The following NCOA7 variants were observed in gnomAD, a reference collection of about 807,000 sequenced individuals.
The protein encoded by NCOA7 is 140 kDa estrogen receptor-associated protein.
A neutral mutation model predicts 104.3 loss-of-function variants in NCOA7; 45 were observed. The ratio of observed to expected loss-of-function variants is 0.43; its 90% CI spans 0.34 to 0.55. The LOEUF (loss-of-function observed/expected upper bound fraction) is 0.55. Ranked by LOEUF, NCOA7 falls within the 20% of genes least tolerant of loss-of-function variation. The pLI is 0.02. For missense variants in NCOA7, 1,041 were observed against 1,119.7 expected (o/e 0.93, Z 1.00); for synonymous variants, 398 against 402.3 (o/e 0.99, Z 0.13).
At chr6:125,845,824 T>TA (rs1780557974) in intron 2 of NCOA7, among the ~76,000 whole-genome samples, 2 of 152,316 alleles carry the variant, frequency 1.3e-5, no homozygotes, top group African/African-American at 4.8e-5. Flanking sequence ...CGTTTTCTCA[T>TA]ACATCCACCG....
intron 2 of NCOA7, among the ~76,000 whole-genome samples, chr6:125,832,292 A>G (rs1476464191): frequency 1.3e-5 from 2 of 152,172 alleles, no homozygotes; most frequent in Admixed American, 1.3e-4. Flanking sequence ...TGATGGCTAT[A>G]ATAATTTTTA....
chr6:125,835,219 A>G (rs1779512939), intron 2 of NCOA7, among the ~76,000 whole-genome samples: 1 of 152,232 alleles, frequency 6.6e-6, no homozygotes, highest in Non-Finnish European at 1.5e-5. Flanking sequence ...TTTTCATGTG[A>G]TAAAGACTGC....
chr6:125,840,868 G>GTTTTTTTTTTTTGTTTGTTTTTTTT (rs1780077634), intron 2 of NCOA7, among the ~76,000 whole-genome samples: 1 of 40,338 alleles, frequency 2.5e-5, no homozygotes, highest in African/African-American at 1.0e-4. Flanking sequence ...TGTTTGGTTG[G>GTTTTTTTTTTTTGTTTGTTTTTTTT]TTTTTTTTTT....
At chr6:125,856,913 A>C (rs546769587) in intron 3 of NCOA7, among the ~76,000 whole-genome samples, 1 of 152,346 alleles carries the variant, frequency 6.6e-6, no homozygotes, top group East Asian at 1.9e-4. Flanking sequence ...GTGTTTGAAC[A>C]GTATTCCAAG....
chr6:125,922,758 G>A lies in NCOA7; in HGVS notation c.2447G>A (p.Ser816Asn), dbSNP rs1787691652. ...LAYSTLEHGT[S>N]LKTLYRKSAS... Reference sequence around the variant, plus strand: ...TATAGCACGTTAGAGCACGGGACCAGCTTAAAGACGCTCTACCGGAAATCG... The same window carrying A: ...TATAGCACGTTAGAGCACGGGACCAACTTAAAGACGCTCTACCGGAAATCG... Residue 816 changes from serine to asparagine, a missense_variant, in exon 13 of 16, where the codon AGC (serine) becomes AAC (asparagine). Ser to Asn is a conservative substitution (Grantham distance 46). Transcript: ENST00000392477. 1.2e-6 allele frequency: 2 copies of A among 1,614,094 alleles called. No homozygotes were observed. The highest frequency in any genetic ancestry group is 1.7e-6 in the Non-Finnish European group (2 of 1,180,022).
intron 3 of NCOA7, among the ~76,000 whole-genome samples, chr6:125,859,457 GAA>G (rs1354032181): frequency 6.6e-6 from 1 of 152,114 alleles, no homozygotes; most frequent in African/African-American, 2.4e-5. Flanking sequence ...GAGCCAAAAT[GAA>G]AAGTTAATGG....
At chr6:125,868,528 G>A (rs539844018) in intron 3 of NCOA7, among the ~76,000 whole-genome samples, 5 of 152,198 alleles carry the variant, frequency 3.3e-5, no homozygotes, top group Non-Finnish European at 7.3e-5. Context: ...TGTCATGGTT[G>A]CTAGTTAAAC....
chr6:125,812,104 T>C (rs1777069247), intron 1 of NCOA7, among the ~76,000 whole-genome samples: 1 of 152,172 alleles, frequency 6.6e-6, no homozygotes, highest in South Asian at 2.1e-4. Context: ...AAAGATAACA[T>C]AGGGATAATA....
chr6:125,889,142 C>T lies in NCOA7; in HGVS notation c.1088C>T (p.Ser363Leu), dbSNP rs757638750. The T allele has an allele frequency of 1.5e-5, 25 of 1,614,034 alleles. No individual in the cohort carries two copies. The highest frequency in any genetic ancestry group is 2.1e-5 in the Non-Finnish European group (25 of 1,180,028). Reference protein sequence around the residue: ...KSTGHTPTKPSGSSVSEKLKK... With the variant: ...KSTGHTPTKPLGSSVSEKLKK... ...ACAGGACATACACCTACAAAGCCCT[C>T]AGGCAGCTCTGTGTCAGAGAAATTA... The change falls in exon 9 of 16, where the codon TCA becomes TTA. Residue 363 changes from serine to leucine, a missense_variant. By Grantham distance (145) the Ser-to-Leu change is moderately radical (BLOSUM62 -2). Around this residue, in one of 2 missense-constraint regions of NCOA7, gnomAD observed 914 missense variants for 942.7 expected, o/e 0.97. Coordinates refer to ENST00000392477, the MANE Select transcript of NCOA7 (RefSeq NM_181782.5).
At chr6:125,818,617 A>G (rs1466788664) in intron 2 of NCOA7, among the ~76,000 whole-genome samples, 4 of 152,118 alleles carry the variant, frequency 2.6e-5, no homozygotes, top group African/African-American at 7.2e-5. Flanking sequence ...CTGACTGACA[A>G]ACCTGTAGTT....
intron 2 of NCOA7, among the ~76,000 whole-genome samples, chr6:125,839,642 A>G (rs1779954653): frequency 2.0e-5 from 3 of 152,076 alleles, no homozygotes; most frequent in African/African-American, 7.3e-5. Context: ...TGTTTTAGGA[A>G]GTCTGTGCCA....
intron 3 of NCOA7, among the ~76,000 whole-genome samples, chr6:125,862,509 A>G (rs1323147169): frequency 7.2e-6 from 1 of 138,192 alleles, no homozygotes; most frequent in Non-Finnish European, 1.5e-5. Flanking sequence ...TGTGTTGTAG[A>G]TTACCTTAAA....
At chr6:125,918,363 G>A (rs1787260825) in intron 11 of NCOA7, among the ~76,000 whole-genome samples, 1 of 152,176 alleles carries the variant, frequency 6.6e-6, no homozygotes, top group Non-Finnish European at 1.5e-5. Context: ...TTGTCTTGCT[G>A]GCATTCTGTC....
chr6:125,884,492 C>T lies in NCOA7; in HGVS notation c.700-667C>T, dbSNP rs1278500298. On this transcript the variant is annotated intron_variant, in intron 7 of 15. Transcript: ENST00000392477. ...CCTGCTGTTCATGGTAGATAATATCCGTATGGCCATTAAGGTCTCTTTTAT... is the reference window on the plus strand; with the variant it reads ...CCTGCTGTTCATGGTAGATAATATCTGTATGGCCATTAAGGTCTCTTTTAT... Among the ~76,000 whole-genome samples the T allele has an allele frequency of 8.5e-5, 13 of 152,064 alleles. No homozygotes were observed. The East Asian group carries it at 1.7e-3, about 20-fold the overall frequency.
At chr6:125,809,107 T>A (rs1395404840) in intron 1 of NCOA7, among the ~76,000 whole-genome samples, 1 of 152,188 alleles carries the variant, frequency 6.6e-6, no homozygotes, top group Non-Finnish European at 1.5e-5. Flanking sequence ...CATTCATTTT[T>A]GTTTTTTTGT....
intron 3 of NCOA7, among the ~76,000 whole-genome samples, chr6:125,864,852 G>A (rs1206179997): frequency 2.2e-5 from 3 of 137,816 alleles, no homozygotes; most frequent in East Asian, 2.1e-4. Context: ...TTTGATTCAC[G>A]TGAAATTGGC....
At chr6:125,824,146 G>T (rs1778445786) in intron 2 of NCOA7, among the ~76,000 whole-genome samples, 1 of 152,038 alleles carries the variant, frequency 6.6e-6, no homozygotes, top group Non-Finnish European at 1.5e-5. Context: ...TCCATAAAGT[G>T]CCTGTTCAGT....
intron 3 of NCOA7, among the ~76,000 whole-genome samples, chr6:125,856,649 G>C (rs1781586558): frequency 6.6e-6 from 1 of 152,092 alleles, no homozygotes; most frequent in Non-Finnish European, 1.5e-5. Flanking sequence ...ACCATGCCTG[G>C]CCATGTCTCC....
intron 2 of NCOA7, among the ~76,000 whole-genome samples, chr6:125,821,317 A>G (rs1778155325): frequency 6.6e-6 from 1 of 152,178 alleles, no homozygotes; most frequent in African/African-American, 2.4e-5. Context: ...TTTATACTCA[A>G]AGGGGTTGAA....
Sources: allele counts gnomAD v4.1 joint callset (sites outside exome capture counted in the v4.1 genomes callset), GRCh38; gene constraint gnomAD v4.1.1; regional missense constraint gnomAD v4.1.1; transcripts MANE v1.5; gene names NCBI Gene and HGNC (gene_info 2026-07-23, HGNC 2026-07-21).